The following C5orf34 variants were observed in gnomAD, a reference collection of about 807,000 sequenced individuals.
C5orf34 encodes the protein uncharacterized protein C5orf34.
C5orf34 carries 73 observed loss-of-function variants against 78.4 expected under a neutral mutation model. The ratio of observed to expected loss-of-function variants is 0.93; its 90% CI spans 0.77 to 1.13. The LOEUF is 1.13. Among genes scored for constraint, C5orf34 ranks in the 50% most tolerant of loss-of-function variants. The pLI is 0.00. For missense variants in C5orf34, 730 were observed against 732.7 expected, an observed-to-expected ratio of 1.00 and a Z score of 0.04; for synonymous variants, 251 against 246.6, an observed-to-expected ratio of 1.02 and a Z score of -0.17.
At chr5:43,490,507 G>A (rs1328774285) in intron 11 of C5orf34, 124 bp downstream of exon 11, 1 of 626,470 alleles carries the variant, frequency 1.6e-6, no homozygotes, top group Middle Eastern at 3.2e-4. Flanking sequence ...TACTTTAGGA[G>A]TTAAACATAT....
intron 1 of C5orf34, among the ~76,000 whole-genome samples, chr5:43,512,760 C>CTTTTTT (rs58813772): frequency 4.1e-5 from 3 of 72,898 alleles, no homozygotes; most frequent in African/African-American, 1.1e-4. Flanking sequence ...CCCACCTTGT[C>CTTTTTT]TTTTTTTTTT....
Position 43,490,658 on chromosome 5 carries a change from G to A in C5orf34, c.1652C>T (p.Ser551Leu), listed in dbSNP as rs746690868. 1.4e-5 allele frequency: 23 copies of A among 1,609,284 alleles called. No homozygotes were observed. The highest frequency in any genetic ancestry group is 1.3e-4 in the East Asian group (6 of 44,724). The change falls in exon 11 of 13, where the codon TCG (serine) becomes TTG (leucine). Residue 551 changes from serine (S) to leucine (L), a missense_variant. Transcript: ENST00000306862. ...QTSPREMPTH[S>L]SSSVLQENWS... ...ATTTTCTTGGAGAACAGAAGATGAC[G>A]AATGAGTGGGCATCTCTCTGGGACT...
chr5:43,515,117 G>C lies in C5orf34; in HGVS notation c.-348C>G, dbSNP rs776715190. Reference sequence around the variant, plus strand: ...CGCACAAGACCAGTTCAAAACCAGCGCCCTCAGGGAGCCGCTTCAGAGCTC... The same window carrying C: ...CGCACAAGACCAGTTCAAAACCAGCCCCCTCAGGGAGCCGCTTCAGAGCTC... On this transcript the variant is annotated 5_prime_UTR_variant, in exon 1 of 13. Coordinates refer to ENST00000306862, the MANE Select transcript of C5orf34 (RefSeq NM_198566.4). 4 of 152,108 alleles carry C rather than the reference G, an allele frequency of 2.6e-5. No homozygotes were observed. 9.4% of individuals were successfully genotyped at this position (152,108 alleles called of 1,614,324 possible).
intron 10 of C5orf34, among the ~76,000 whole-genome samples, chr5:43,491,058 G>GT (rs1745260330): frequency 6.6e-6 from 1 of 151,998 alleles, no homozygotes; most frequent in Admixed American, 6.5e-5. Context: ...AGTAAAATGC[G>GT]TTTAAGTTTT....
At chr5:43,490,451 T>C (rs1745233645) in intron 11 of C5orf34, 180 bp downstream of exon 11, 1 of 457,730 alleles carries the variant, frequency 2.2e-6, no homozygotes, top group South Asian at 4.1e-5. Context: ...ATGTAATAAA[T>C]TAGATGTCTG....
chr5:43,507,758 T>TA (rs1746051975), intron 3 of C5orf34, among the ~76,000 whole-genome samples: 1 of 152,170 alleles, frequency 6.6e-6, no homozygotes, highest in Non-Finnish European at 1.5e-5. Flanking sequence ...AGGTAAACTC[T>TA]CTAAGACATA....
At chr5:43,492,941 G>T (rs997662994) in intron 8 of C5orf34, 51 bp from the exon 9 acceptor site, 17 of 1,307,156 alleles carry the variant, frequency 1.3e-5, no homozygotes, top group Middle Eastern at 1.9e-4. Flanking sequence ...CTAAGAACAA[G>T]ATTTAAATGA....
intron 9 of C5orf34, 144 bp from the exon 10 acceptor site, chr5:43,492,453 G>A (rs1482728137): frequency 1.1e-5 from 7 of 643,222 alleles, no homozygotes; most frequent in African/African-American, 9.2e-5. Flanking sequence ...CATGAGATAT[G>A]GGTGTTATTT....
At chr5:43,495,209 T>C (rs1745454121) in intron 6 of C5orf34, 2 of 1,611,046 alleles carry the variant, frequency 1.2e-6, no homozygotes, top group African/African-American at 1.3e-5. Flanking sequence ...CAAAGGTGGA[T>C]AGTCTGAGAA....
intron 6 of C5orf34, chr5:43,496,495 G>C: frequency 6.9e-7 from 1 of 1,450,912 alleles, no homozygotes. Flanking sequence ...CTGTGTTCTG[G>C]TGGCAAACCC....
intron 11 of C5orf34, among the ~76,000 whole-genome samples, chr5:43,489,447 A>G (rs577048694): frequency 2.0e-5 from 3 of 152,174 alleles, no homozygotes; most frequent in Admixed American, 1.3e-4. Flanking sequence ...ACTATCACCA[A>G]TCTCTACTTG....
chr5:43,509,055 T>C (rs1053050741), intron 2 of C5orf34, 90 bp downstream of exon 2: 3 of 977,018 alleles, frequency 3.1e-6, no homozygotes, highest in Admixed American at 4.3e-5. Context: ...CAGTGAGCTA[T>C]GGTAGTGCCA....
At chr5:43,501,951 A>G (rs192784681) in intron 6 of C5orf34, among the ~76,000 whole-genome samples, 27 of 152,350 alleles carry the variant, frequency 1.8e-4, no homozygotes, top group African/African-American at 6.5e-4. Context: ...GAACAATCTT[A>G]TTCAACTGTC....
chr5:43,503,562 T>G, intron 5 of C5orf34, 103 bp downstream of exon 5: 3 of 815,580 alleles, frequency 3.7e-6, no homozygotes, highest in Non-Finnish European at 6.4e-6. Flanking sequence ...CCAACAGAAC[T>G]GTGTCCTCTT....
At chr5:43,507,095 C>CA (rs1359079031) in intron 3 of C5orf34, among the ~76,000 whole-genome samples, 4 of 152,064 alleles carry the variant, frequency 2.6e-5, no homozygotes, top group Non-Finnish European at 5.9e-5. Context: ...CCTGGCACAC[C>CA]ATACACTAAA....
intron 1 of C5orf34, 43 bp from the exon 2 acceptor site, chr5:43,509,418 A>G: frequency 8.4e-7 from 1 of 1,183,934 alleles, no homozygotes; most frequent in Non-Finnish European, 1.2e-6. Flanking sequence ...AGTTCTCTTA[A>G]TGTACAAAAC....
chr5:43,489,107 T>A (rs1445454160), intron 11 of C5orf34, among the ~76,000 whole-genome samples: 2 of 152,120 alleles, frequency 1.3e-5, no homozygotes, highest in Non-Finnish European at 2.9e-5. Context: ...TATCTTTTTT[T>A]TTTTAAACCC....
At chr5:43,495,439 G>A in intron 6 of C5orf34, 14 of 1,610,948 alleles carry the variant, frequency 8.7e-6, no homozygotes, top group Non-Finnish European at 1.2e-5. Context: ...CCTGAGCAAT[G>A]AAGTCAGCTG....
intron 9 of C5orf34, 74 bp downstream of exon 9, chr5:43,492,646 G>A: frequency 8.1e-7 from 1 of 1,240,592 alleles, no homozygotes; most frequent in South Asian, 1.3e-5. Context: ...GAAATAGTGT[G>A]GTACTTTGTT....
Sources: allele counts gnomAD v4.1 joint callset (sites outside exome capture counted in the v4.1 genomes callset), GRCh38; gene constraint gnomAD v4.1.1; transcripts MANE v1.5; gene names NCBI Gene and HGNC (gene_info 2026-07-23, HGNC 2026-07-21).